The following MYO3A variants were observed in gnomAD, a reference collection of about 807,000 sequenced individuals.
The protein encoded by MYO3A is myosin-IIIa.
MYO3A carries 180 observed loss-of-function variants against 192.7 expected under a neutral mutation model. The observed-to-expected ratio is 0.93, with a 90% CI of 0.83 to 1.06. MYO3A has a LOEUF of 1.06. MYO3A is among the 50% of genes least tolerant of loss of function. The pLI, the probability that MYO3A is intolerant of heterozygous loss-of-function variation, is 0.00. For missense variants in MYO3A, 1,896 were observed against 1,905.0 expected (o/e 1.00, Z 0.09); for synonymous variants, 628 against 645.3 (o/e 0.97, Z 0.41).
Position 26,141,748 on chromosome 10 carries a change from G to A in MYO3A, c.2263-1700G>A, listed in dbSNP as rs114111773. Among the ~76,000 whole-genome samples the A allele has an allele frequency of 8.3e-3, 1,259 of 152,184 alleles. 16 individuals are homozygous for A. The highest frequency in any genetic ancestry group is 0.027 in the African/African-American group (1,138 of 41,534). ...AAAAGCTGTGAAACTTCAAGTCATCGTTTTCATTTTCTTATACTGGATAAG... is the reference window on the plus strand; with the variant it reads ...AAAAGCTGTGAAACTTCAAGTCATCATTTTCATTTTCTTATACTGGATAAG... On this transcript the variant is annotated intron_variant, in intron 20 of 34. Transcript: ENST00000642920.
chr10:25,972,855 C>G (rs540510435), intron 4 of MYO3A, among the ~76,000 whole-genome samples: 1 of 152,260 alleles, frequency 6.6e-6, no homozygotes, highest in African/African-American at 2.4e-5. Flanking sequence ...TCTGTTGTTT[C>G]CAGCAGTGTC....
chr10:26,107,859 C>T (rs1030837078), intron 17 of MYO3A, among the ~76,000 whole-genome samples: 3 of 151,798 alleles, frequency 2.0e-5, no homozygotes, highest in African/African-American at 7.3e-5. Flanking sequence ...TTTACCCATC[C>T]GATAAATGTT....
At chr10:26,091,154 G>A (rs2131527575) in intron 15 of MYO3A, among the ~76,000 whole-genome samples, 1 of 152,338 alleles carries the variant, frequency 6.6e-6, no homozygotes, top group African/African-American at 2.4e-5. Flanking sequence ...AAAGAAGAGT[G>A]TAGAATGATT....
intron 17 of MYO3A, among the ~76,000 whole-genome samples, chr10:26,104,866 TACACACAC>T (rs60219721): frequency 1.4e-4 from 20 of 148,142 alleles, no homozygotes; most frequent in Admixed American, 6.8e-4. Context: ...TGTTTATAGA[TACACACAC>T]ACACACACAC....
chr10:26,095,996 A>G (rs1021083695), intron 15 of MYO3A, among the ~76,000 whole-genome samples: 1 of 152,150 alleles, frequency 6.6e-6, no homozygotes, highest in Non-Finnish European at 1.5e-5. Flanking sequence ...TGGGTTAATG[A>G]GACAATGTAG....
chr10:25,954,967 A>G lies in MYO3A; in HGVS notation c.262A>G (p.Lys88Glu), dbSNP rs1837447908. 1.2e-6 allele frequency: 2 copies of G among 1,612,800 alleles called. No homozygotes were observed. Among genetic ancestry groups the G allele is most frequent in the East Asian group, 4.5e-5 (2 of 44,788 alleles). Reference protein sequence around the residue: ...VVRFYGIYFKKDKVNGDKLWL... With the variant: ...VVRFYGIYFKEDKVNGDKLWL... The stretch of plus-strand genomic sequence containing the variant: ...CAGATTCTATGGGATATACTTTAAG[A>G]AGGATAAAGTAAATGGAGACAAGCT... Residue 88 changes from lysine (K) to glutamate (E), a missense_variant, in exon 4 of 35, where the codon AAG becomes GAG. Transcript: ENST00000642920.
At chr10:26,001,271 G>A (rs1840790409) in intron 6 of MYO3A, among the ~76,000 whole-genome samples, 1 of 149,286 alleles carries the variant, frequency 6.7e-6, no homozygotes, top group African/African-American at 2.6e-5. Flanking sequence ...TCAGATAGTG[G>A]AAAGACTCAA....
intron 31 of MYO3A, among the ~76,000 whole-genome samples, chr10:26,188,234 G>A (rs1290206106): frequency 6.6e-6 from 1 of 152,158 alleles, no homozygotes; most frequent in East Asian, 1.9e-4. Flanking sequence ...GCATTTCTCT[G>A]ATGGCCAGTG....
chr10:26,205,616 T>TC, intron 34 of MYO3A, among the ~76,000 whole-genome samples: 1 of 124,924 alleles, frequency 8.0e-6, no homozygotes, highest in East Asian at 2.2e-4. Flanking sequence ...TTCTTTTTTT[T>TC]TTTTTTTTTT....
chr10:26,029,590 G>A (rs1450373788), intron 10 of MYO3A, among the ~76,000 whole-genome samples: 3 of 151,914 alleles, frequency 2.0e-5, no homozygotes, highest in African/African-American at 7.3e-5. Context: ...AACATCTATA[G>A]TTTTCATTTA....
At chr10:25,957,222 T>C (rs528522062) in intron 4 of MYO3A, among the ~76,000 whole-genome samples, 1 of 152,270 alleles carries the variant, frequency 6.6e-6, no homozygotes, top group Non-Finnish European at 1.5e-5. Flanking sequence ...GGGAAGTAAC[T>C]GAATCGTGGG....
At position 25,955,064 on chromosome 10, in the gene MYO3A, G is replaced by A. The variant is rs2130583843; in HGVS notation, c.303+56G>A. ...GAAACTTAGAGTGTGGTTCTGAAATGACTTGTTATACTATTTATGTAACAT... is the reference window on the plus strand; with the variant it reads ...GAAACTTAGAGTGTGGTTCTGAAATAACTTGTTATACTATTTATGTAACAT... On this transcript the variant is annotated intron_variant, in intron 4 of 34. Coordinates refer to ENST00000642920, the MANE Select transcript of MYO3A (RefSeq NM_017433.5). 4.4e-6 allele frequency: 7 copies of A among 1,583,162 alleles called. No individual in the cohort carries two copies. The East Asian group carries it at 1.3e-4, about 30-fold the overall frequency.
intron 25 of MYO3A, among the ~76,000 whole-genome samples, chr10:26,155,306 G>A (rs1201774398): frequency 6.6e-6 from 1 of 152,174 alleles, no homozygotes; most frequent in African/African-American, 2.4e-5. Context: ...GGAAGATGCG[G>A]TAACGTGCTT....
chr10:25,983,631 T>C (rs1839471978), intron 4 of MYO3A, among the ~76,000 whole-genome samples: 1 of 152,144 alleles, frequency 6.6e-6, no homozygotes, highest in South Asian at 2.1e-4. Context: ...AACCTAAGAA[T>C]AATTGGTGCT....
intron 4 of MYO3A, among the ~76,000 whole-genome samples, chr10:25,977,326 C>T (rs1839018285): frequency 6.6e-6 from 1 of 152,008 alleles, no homozygotes; most frequent in African/African-American, 2.4e-5. Context: ...AAAACTAAAC[C>T]ACTGATCCTA....
chr10:26,047,853 C>G (rs1843722351), intron 10 of MYO3A, among the ~76,000 whole-genome samples: 1 of 151,796 alleles, frequency 6.6e-6, no homozygotes, highest in Non-Finnish European at 1.5e-5. Flanking sequence ...CCATAGGAGG[C>G]CGGACACTGA....
intron 10 of MYO3A, among the ~76,000 whole-genome samples, chr10:26,058,934 C>T (rs34756309): frequency 0.47 from 71,590 of 151,636 alleles, 17,697 homozygotes; most frequent in Middle Eastern, 0.58. Context: ...TTAAGTATTT[C>T]ATTGGGGGGT....
chr10:26,108,395 C>T (rs572889060), intron 17 of MYO3A, among the ~76,000 whole-genome samples: 1 of 151,886 alleles, frequency 6.6e-6, no homozygotes, highest in Non-Finnish European at 1.5e-5. Flanking sequence ...CTAAAACAAA[C>T]AAACAAAAAA....
chr10:25,988,384 A>C (rs1026756908), intron 4 of MYO3A, among the ~76,000 whole-genome samples: 5 of 152,134 alleles, frequency 3.3e-5, no homozygotes, highest in Non-Finnish European at 5.9e-5. Flanking sequence ...TTTAAATAAA[A>C]ATAAAATAAA....
Sources: allele counts gnomAD v4.1 joint callset (sites outside exome capture counted in the v4.1 genomes callset), GRCh38; gene constraint gnomAD v4.1.1; transcripts MANE v1.5; gene names NCBI Gene and HGNC (gene_info 2026-07-23, HGNC 2026-07-21).